Variants in VIPR2 observed in about 807,000 individuals in gnomAD.
The protein encoded by VIPR2 is vasoactive intestinal peptide receptor 2, also known as vasoactive intestinal polypeptide receptor 2.
Under a neutral mutation model 58.0 loss-of-function variants are expected in VIPR2, and 48 were observed. That is an observed-to-expected ratio of 0.83 (90% CI 0.66 to 1.05). VIPR2 has a LOEUF of 1.05. Among genes scored for constraint, VIPR2 ranks in the 50% least tolerant of loss-of-function variants. The probability of loss-of-function intolerance (pLI) is 0.00; values close to 1 mark genes in which losing one functional copy is unlikely to be tolerated. For missense variants in VIPR2, 534 were observed against 558.0 expected (o/e 0.96, Z 0.43); for synonymous variants, 243 against 235.2 (o/e 1.03, Z -0.30).
At chr7:159,047,034 A>ATG (rs1488072422) in intron 5 of VIPR2, among the ~76,000 whole-genome samples, 1 of 152,336 alleles carries the variant, frequency 6.6e-6, no homozygotes, top group East Asian at 1.9e-4. Flanking sequence ...CAGGAGTTCA[A>ATG]GACCAGCCTG....
intron 4 of VIPR2, among the ~76,000 whole-genome samples, chr7:159,101,426 C>T (rs957167456): frequency 3.7e-5 from 5 of 134,058 alleles, no homozygotes; most frequent in African/African-American, 1.5e-4. Context: ...TCACGAGATC[C>T]GACGAGGCGG....
chr7:159,086,709 G>C (rs920147094), intron 4 of VIPR2, among the ~76,000 whole-genome samples: 2 of 152,240 alleles, frequency 1.3e-5, no homozygotes, highest in Non-Finnish European at 2.9e-5. Flanking sequence ...TGCTGGGTCT[G>C]AGTTCTGCCT....
intron 2 of VIPR2, among the ~76,000 whole-genome samples, chr7:159,122,635 T>G (rs1796497553): frequency 6.6e-6 from 1 of 152,224 alleles, no homozygotes; most frequent in Non-Finnish European, 1.5e-5. Context: ...AGGGCACACC[T>G]GTGAGTCTTT....
At chr7:159,072,107 G>A (rs1856437791) in intron 4 of VIPR2, among the ~76,000 whole-genome samples, 1 of 147,390 alleles carries the variant, frequency 6.8e-6, no homozygotes. Context: ...ATGAAGGCAC[G>A]ATGGTACCGG....
At chr7:159,047,236 CTT>C (rs2129493605) in intron 5 of VIPR2, among the ~76,000 whole-genome samples, 1 of 152,238 alleles carries the variant, frequency 6.6e-6, no homozygotes, top group South Asian at 2.1e-4. Context: ...ACAAGCGAAA[CTT>C]TGTCTCAAAC....
At chr7:159,069,579 CTG>C (rs1465665221) in intron 4 of VIPR2, among the ~76,000 whole-genome samples, 1 of 152,076 alleles carries the variant, frequency 6.6e-6, no homozygotes, top group African/African-American at 2.4e-5. Flanking sequence ...TCTACTAAGC[CTG>C]TGACTGGCCT....
intron 4 of VIPR2, among the ~76,000 whole-genome samples, chr7:159,101,869 C>A (rs13308347): frequency 8.7e-4 from 54 of 62,178 alleles, no homozygotes; most frequent in African/African-American, 2.6e-3. Context: ...AGGCGGTTCC[C>A]ACTGTTCCTG....
At chr7:159,111,733 G>T (rs1216877998) in intron 2 of VIPR2, among the ~76,000 whole-genome samples, 1 of 152,124 alleles carries the variant, frequency 6.6e-6, no homozygotes, top group Non-Finnish European at 1.5e-5. Flanking sequence ...AATGGGCTGG[G>T]TGTAGTGACT....
rs934894617 is a variant in VIPR2 at position 159,030,663 on chromosome 7, C to G, written c.1270G>C (p.Gly424Arg). The change falls in exon 13 of 13, where the codon GGC becomes CGC. Residue 424 changes from glycine (G) to arginine (R), a missense_variant. Gly to Arg is a moderately radical substitution (Grantham distance 125). Coordinates refer to ENST00000262178, the MANE Select transcript of VIPR2 (RefSeq NM_003382.5). ...TGCAGGAAGGACTGGGCGCGGGAGC[C>G]GCGGTGGAACTGCAGGGCGCCCTCC... ...GSEGALQFHR[G>R]SRAQSFLQTE... is the part of the protein sequence containing the mutation. 5.8e-6 allele frequency: 9 copies of G among 1,561,606 alleles called. No individual in the cohort carries two copies. The highest frequency in any genetic ancestry group is 7.8e-6 in the Non-Finnish European group (9 of 1,154,502).
intron 5 of VIPR2, among the ~76,000 whole-genome samples, chr7:159,050,064 C>T (rs573792031): frequency 2.6e-5 from 4 of 152,118 alleles, no homozygotes; most frequent in Admixed American, 6.6e-5. Flanking sequence ...TGGCCAGGCA[C>T]GGTGGCTCAC....
intron 2 of VIPR2, among the ~76,000 whole-genome samples, chr7:159,136,552 C>A (rs440328): frequency 0.75 from 114,577 of 151,760 alleles, 43,861 homozygotes; most frequent in Middle Eastern, 0.84. Flanking sequence ...ACTGCTGCCC[C>A]GGAAGAAGCT....
At chr7:159,111,690 A>AG (rs397750071) in intron 2 of VIPR2, among the ~76,000 whole-genome samples, 1 of 150,916 alleles carries the variant, frequency 6.6e-6, no homozygotes, top group Non-Finnish European at 1.5e-5. Flanking sequence ...AAAAAAAAAA[A>AG]GCAATAATTA....
At chr7:159,069,183 A>G (rs1856253521) in intron 4 of VIPR2, among the ~76,000 whole-genome samples, 2 of 152,306 alleles carry the variant, frequency 1.3e-5, no homozygotes, top group East Asian at 1.9e-4. Context: ...CGCCTCAGCA[A>G]CTGTGCTCAG....
At chr7:159,092,648 T>C (rs1585470979) in intron 4 of VIPR2, among the ~76,000 whole-genome samples, 1 of 131,438 alleles carries the variant, frequency 7.6e-6, no homozygotes, top group African/African-American at 3.6e-5. Flanking sequence ...TTCTTTTCTT[T>C]TCTTTTTTTT....
intron 2 of VIPR2, among the ~76,000 whole-genome samples, chr7:159,115,433 A>G (rs1474292940): frequency 6.6e-6 from 1 of 152,258 alleles, no homozygotes; most frequent in Non-Finnish European, 1.5e-5. Context: ...CTTTGAATCA[A>G]TATAAATGAT....
Position 159,103,609 on chromosome 7 carries a change from C to T in VIPR2, c.357+148G>A, listed in dbSNP as rs569395164. ...AGCAGCAGAACGGAAACAGGGACTT[C>T]GCTTAACTTGGAAAGCAGAAAGTAG... On this transcript the variant is annotated intron_variant, in intron 4 of 12. Transcript: ENST00000262178. 913 of 646,314 alleles carry T rather than the reference C, an allele frequency of 1.4e-3. 1 individual carries two copies. Among genetic ancestry groups the T allele is most frequent in the Non-Finnish European group, 2.1e-3 (796 of 374,034 alleles). The allele number at this position is 646,314 out of a possible 1,614,324, so 40.0% of individuals were successfully genotyped here.
chr7:159,129,387 C>A (rs1353738026), intron 2 of VIPR2, among the ~76,000 whole-genome samples: 1,181 of 88,924 alleles, frequency 0.013, no homozygotes, highest in African/African-American at 0.026. Flanking sequence ...CTCAAACTGG[C>A]CTCTGGCGGG....
chr7:159,133,256 G>A (rs1446776230), intron 2 of VIPR2, among the ~76,000 whole-genome samples: 17 of 152,306 alleles, frequency 1.1e-4, no homozygotes, highest in South Asian at 2.1e-4. Flanking sequence ...AGAAGGACTC[G>A]TCAACACACC....
intron 6 of VIPR2, among the ~76,000 whole-genome samples, chr7:159,041,917 G>C (rs1413649408): frequency 6.6e-6 from 1 of 152,112 alleles, no homozygotes; most frequent in African/African-American, 2.4e-5. Flanking sequence ...ACACATGTGG[G>C]GAGACCCTAT....
Sources: allele counts gnomAD v4.1 joint callset (sites outside exome capture counted in the v4.1 genomes callset), GRCh38; gene constraint gnomAD v4.1.1; transcripts MANE v1.5; gene names NCBI Gene and HGNC (gene_info 2026-07-23, HGNC 2026-07-21).